Variants in ZNF678 observed in about 807,000 individuals in gnomAD.
ZNF678 encodes the protein zinc finger protein 678.
A neutral mutation model predicts 3.0 loss-of-function variants in ZNF678; 5 were observed. That is an observed-to-expected ratio of 1.69 (90% confidence interval 0.88 to 3.56). The LOEUF is 3.56. Ranked by LOEUF, ZNF678 falls within the 30% of genes most tolerant of loss-of-function variation. The pLI, the probability that ZNF678 is intolerant of heterozygous loss-of-function variation, is 0.00. For missense variants in ZNF678, 593 were observed against 605.0 expected (o/e 0.98, Z 0.21); for synonymous variants, 218 against 199.6 (o/e 1.09, Z -0.78).
At chr1:227,593,175 G>T (rs1657461748) in intron 1 of ZNF678, among the ~76,000 whole-genome samples, 1 of 152,232 alleles carries the variant, frequency 6.6e-6, no homozygotes, top group Non-Finnish European at 1.5e-5. Flanking sequence ...CCTACGCCTG[G>T]TCTACTGGAG....
intron 2 of ZNF678, 119 bp from the exon 3 acceptor site, chr1:227,650,837 T>TA: frequency 1.4e-6 from 1 of 713,382 alleles, no homozygotes; most frequent in Non-Finnish European, 2.2e-6. Flanking sequence ...ATTTTTGATT[T>TA]ATTTGTTATG....
At chr1:227,665,712 G>C (rs1230841061), downstream of ZNF678, among the ~76,000 whole-genome samples, 1 of 152,216 alleles carries the variant, frequency 6.6e-6, no homozygotes, top group Non-Finnish European at 1.5e-5. Flanking sequence ...AGCATATTTT[G>C]TGTATGTAAA....
At chr1:227,644,062 G>A (rs1273587401) in intron 1 of ZNF678, among the ~76,000 whole-genome samples, 2 of 151,334 alleles carry the variant, frequency 1.3e-5, no homozygotes, top group African/African-American at 2.4e-5. Context: ...GCGGGGTTTC[G>A]CCATGTTGGC....
chr1:227,641,385 T>C (rs1404647975), intron 1 of ZNF678, among the ~76,000 whole-genome samples: 1 of 152,262 alleles, frequency 6.6e-6, no homozygotes, highest in Admixed American at 6.5e-5. Flanking sequence ...TTCTGTCTTC[T>C]ACTTTTTTCA....
intron 1 of ZNF678, among the ~76,000 whole-genome samples, chr1:227,570,515 C>G (rs565398447): frequency 6.6e-6 from 1 of 152,308 alleles, no homozygotes; most frequent in South Asian, 2.1e-4. Context: ...TCCTAATGCC[C>G]TGTATCCCAA....
intron 1 of ZNF678, among the ~76,000 whole-genome samples, chr1:227,601,283 T>C (rs931769688): frequency 6.6e-6 from 1 of 152,134 alleles, no homozygotes; most frequent in Non-Finnish European, 1.5e-5. Context: ...TCATTGCTAG[T>C]TTGTTAGGAA....
At chr1:227,575,402 G>A (rs1340422402) in intron 1 of ZNF678, among the ~76,000 whole-genome samples, 2 of 152,034 alleles carry the variant, frequency 1.3e-5, no homozygotes, top group Non-Finnish European at 2.9e-5. Context: ...CCGTTTGTTT[G>A]TGTTGTCTAA....
At chr1:227,597,958 C>T in intron 1 of ZNF678, among the ~76,000 whole-genome samples, 1 of 152,152 alleles carries the variant, frequency 6.6e-6, no homozygotes, top group East Asian at 1.9e-4. Flanking sequence ...GCTCCTTCCC[C>T]AGGTAAATAA....
At position 227,597,246 on chromosome 1, in the gene ZNF678, C is replaced by T. The variant is rs566425099; in HGVS notation, c.-164+33522C>T. On this transcript the variant is annotated intron_variant, in intron 1 of 3. Coordinates refer to ENST00000343776, the MANE Select transcript of ZNF678 (RefSeq NM_001367909.1). ...GTCCTTAAGGCACAGATAGCTCGTG[C>T]TATTGTTTGTGGTTTAAGAAGGCGT... Among the ~76,000 whole-genome samples, 16 of 152,326 alleles carry T rather than the reference C, an allele frequency of 1.1e-4. 1 individual carries two copies. The highest frequency in any genetic ancestry group is 3.8e-4 in the African/African-American group (16 of 41,562).
intron 1 of ZNF678, among the ~76,000 whole-genome samples, chr1:227,566,296 T>G (rs900795646): frequency 6.6e-6 from 1 of 152,108 alleles, no homozygotes; most frequent in African/African-American, 2.4e-5. Flanking sequence ...CCTTAGACAT[T>G]CTCCCCCAAC....
rs1261032476 is a variant in ZNF678, at chr1:227,646,584, C to G, written c.-123C>G. The G allele has an allele frequency of 7.3e-7, 1 of 1,372,040 alleles. No individual in the cohort carries two copies. Among genetic ancestry groups the G allele is most frequent in the Admixed American group, 1.9e-5 (1 of 52,774 alleles). The allele number at this position is 1,372,040 out of a possible 1,614,324, so 85.0% of individuals were successfully genotyped here. On this transcript the variant is annotated 5_prime_UTR_variant, in exon 2 of 4. Coordinates refer to ENST00000343776, the MANE Select transcript of ZNF678 (RefSeq NM_001367909.1). ...AGTGATGTGGTCATAGAATTCTCTCCAGAGGAGTGGGCATGCCTGGACCCT... is the reference window on the plus strand; with the variant it reads ...AGTGATGTGGTCATAGAATTCTCTCGAGAGGAGTGGGCATGCCTGGACCCT...
Position 227,654,982 on chromosome 1 carries a change from A to T in ZNF678, c.732A>T (p.Lys244Asn). 6.2e-7 allele frequency: 1 copy of T among 1,612,412 alleles called. No individual in the cohort carries two copies. The change falls in exon 4 of 4, where the codon AAA becomes AAT. Residue 244 changes from lysine to asparagine, a missense_variant. Physicochemically the swap from Lys to Asn is moderately conservative, Grantham distance 94 (BLOSUM62 0). Coordinates refer to ENST00000343776, the MANE Select transcript of ZNF678 (RefSeq NM_001367909.1). ...CCTACAAATGCAAAGAATGTTGCAA[A>T]GCCTTTAACAAGTTCTCAAACCTTA... ...EKPYKCKECC[K>N]AFNKFSNLTQ...
intron 1 of ZNF678, among the ~76,000 whole-genome samples, chr1:227,587,816 CTTTT>C (rs199804279): frequency 7.8e-6 from 1 of 127,682 alleles, no homozygotes; most frequent in African/African-American, 2.9e-5. Flanking sequence ...TCACCCTTTC[CTTTT>C]TTTTTTTTTT....
At chr1:227,579,321 G>C (rs1335647162) in intron 1 of ZNF678, among the ~76,000 whole-genome samples, 1 of 152,082 alleles carries the variant, frequency 6.6e-6, no homozygotes, top group African/African-American at 2.4e-5. Context: ...GTGCAGGTCT[G>C]GGTGCTTAAT....
intron 1 of ZNF678, among the ~76,000 whole-genome samples, chr1:227,642,999 T>G (rs1658860107): frequency 6.6e-6 from 1 of 152,092 alleles, no homozygotes; most frequent in South Asian, 2.1e-4. Context: ...GTCTAGAAAA[T>G]GTAGATAAAT....
At chr1:227,644,915 C>T (rs1658917459) in intron 1 of ZNF678, among the ~76,000 whole-genome samples, 1 of 151,960 alleles carries the variant, frequency 6.6e-6, no homozygotes, top group African/African-American at 2.4e-5. Context: ...GCATGAGGGC[C>T]CTTAGATACA....
At chr1:227,652,817 A>G (rs1017310716) in intron 3 of ZNF678, among the ~76,000 whole-genome samples, 13 of 152,144 alleles carry the variant, frequency 8.5e-5, no homozygotes, top group Non-Finnish European at 1.9e-4. Flanking sequence ...CTAAAACTAC[A>G]GAATTTTATT....
At chr1:227,640,671 C>T (rs1189415834) in intron 1 of ZNF678, among the ~76,000 whole-genome samples, 3 of 152,182 alleles carry the variant, frequency 2.0e-5, no homozygotes, top group East Asian at 1.9e-4. Context: ...TTATCTAATT[C>T]GTACTGCGGC....
At chr1:227,567,378 G>C (rs957136919) in intron 1 of ZNF678, among the ~76,000 whole-genome samples, 2 of 152,288 alleles carry the variant, frequency 1.3e-5, no homozygotes, top group African/African-American at 4.8e-5. Flanking sequence ...GTAGAAGTCT[G>C]AGCCCAGTGA....
Sources: gnomAD v4.1 joint callset for allele counts (sites outside exome capture counted in the v4.1 genomes callset) on GRCh38, gnomAD v4.1.1 for gene constraint, MANE v1.5 for transcripts, NCBI Gene and HGNC (gene_info 2026-07-23, HGNC 2026-07-21) for gene names.